JAZF1: variants seen among roughly 807,000 people sequenced by gnomAD.
JAZF1 encodes juxtaposed with another zinc finger protein 1.
Under a neutral mutation model 26.4 loss-of-function variants are expected in JAZF1, and 8 were observed. The ratio of observed to expected loss-of-function variants is 0.30; its 90% confidence interval spans 0.18 to 0.55. The LOEUF (loss-of-function observed/expected upper bound fraction) is 0.55. JAZF1 is among the 20% of genes least tolerant of loss of function. The pLI, the probability that JAZF1 is intolerant of heterozygous loss-of-function variation, is 0.94. For missense variants in JAZF1, 199 were observed against 322.0 expected (o/e 0.62, Z 2.92); for synonymous variants, 126 against 122.3 (o/e 1.03, Z -0.20).
chr7:27,938,746 A>T (rs1314910713), intron 2 of JAZF1, among the ~76,000 whole-genome samples: 1 of 151,452 alleles, frequency 6.6e-6, no homozygotes, highest in Admixed American at 6.6e-5. Flanking sequence ...ATTATGGCTC[A>T]CTGCAACCTC....
rs559334170 is a variant in JAZF1, at chr7:27,871,533, C to T, written c.385+23687G>A. On this transcript the variant is annotated intron_variant, in intron 3 of 4. Transcript: ENST00000283928. ...CTAAATAAGGATTAATGAACAGATACTCAGCAAACCTTCGGGGGAGACACA... is the reference window on the plus strand; with the variant it reads ...CTAAATAAGGATTAATGAACAGATATTCAGCAAACCTTCGGGGGAGACACA... Among the ~76,000 whole-genome samples, 22 of 152,268 alleles carry T rather than the reference C, an allele frequency of 1.4e-4. No individual in the cohort carries two copies. In the South Asian group the frequency reaches 4.1e-3, roughly 29 times the overall value.
At chr7:28,113,263 T>C (rs1241331776) in intron 1 of JAZF1, among the ~76,000 whole-genome samples, 1 of 152,188 alleles carries the variant, frequency 6.6e-6, no homozygotes, top group Non-Finnish European at 1.5e-5. Context: ...AGCCTCGTTT[T>C]ACAAACAGGA....
At chr7:27,847,581 A>C (rs534651193) in intron 3 of JAZF1, among the ~76,000 whole-genome samples, 3 of 152,322 alleles carry the variant, frequency 2.0e-5, no homozygotes, top group African/African-American at 7.2e-5. Flanking sequence ...GTCAAAAAGC[A>C]GTTGAATACA....
At chr7:27,859,906 T>A (rs1783346891) in intron 3 of JAZF1, among the ~76,000 whole-genome samples, 2 of 152,204 alleles carry the variant, frequency 1.3e-5, no homozygotes, top group Admixed American at 6.5e-5. Context: ...AATAAAAGTC[T>A]GTAAAGTCTA....
intron 1 of JAZF1, among the ~76,000 whole-genome samples, chr7:28,155,931 G>A (rs1783177942): frequency 6.6e-6 from 1 of 152,186 alleles, no homozygotes; most frequent in Admixed American, 6.5e-5. Context: ...AAGGGTATAA[G>A]GGTACCTACC....
At chr7:27,856,069 CT>C (rs1394117178) in intron 3 of JAZF1, among the ~76,000 whole-genome samples, 1 of 152,210 alleles carries the variant, frequency 6.6e-6, no homozygotes, top group African/African-American at 2.4e-5. Context: ...TTGGTGGGTT[CT>C]TGGTCTCACT....
At chr7:27,847,335 G>A (rs1165913274) in intron 3 of JAZF1, among the ~76,000 whole-genome samples, 1 of 151,788 alleles carries the variant, frequency 6.6e-6, no homozygotes, top group African/African-American at 2.4e-5. Context: ...CTGAACTTCA[G>A]GTGTGATATC....
intron 1 of JAZF1, among the ~76,000 whole-genome samples, chr7:28,011,229 G>A (rs1161107486): frequency 6.6e-6 from 1 of 152,166 alleles, no homozygotes; most frequent in Non-Finnish European, 1.5e-5. Context: ...TAATCACCTA[G>A]AGATTTCTCC....
chr7:28,056,020 G>C (rs1173393181), intron 1 of JAZF1, among the ~76,000 whole-genome samples: 3 of 152,106 alleles, frequency 2.0e-5, no homozygotes, highest in Non-Finnish European at 4.4e-5. Context: ...ATAGTAGCCT[G>C]TTCTCTCTTT....
intron 1 of JAZF1, among the ~76,000 whole-genome samples, chr7:28,049,292 C>T (rs927907310): frequency 1.3e-5 from 2 of 151,820 alleles, no homozygotes; most frequent in African/African-American, 2.4e-5. Flanking sequence ...CCATACTGCC[C>T]AGGCTGGTCT....
chr7:27,981,162 T>C (rs775882966), intron 2 of JAZF1, among the ~76,000 whole-genome samples: 8 of 152,344 alleles, frequency 5.3e-5, no homozygotes, highest in African/African-American at 1.4e-4. Flanking sequence ...CAGCTAGGAT[T>C]TGATCTGTCA....
intron 1 of JAZF1, among the ~76,000 whole-genome samples, chr7:27,998,054 G>GAAGT (rs1307420389): frequency 6.9e-6 from 1 of 144,254 alleles, no homozygotes; most frequent in Non-Finnish European, 1.5e-5. Context: ...AGGAAGGAAG[G>GAAGT]AAGGAAGGAA....
chr7:27,834,204 C>T (rs559802985), intron 4 of JAZF1, among the ~76,000 whole-genome samples: 1 of 152,310 alleles, frequency 6.6e-6, no homozygotes, highest in South Asian at 2.1e-4. Flanking sequence ...GTGCCTGGCA[C>T]ATTGTCGATG....
intron 1 of JAZF1, among the ~76,000 whole-genome samples, chr7:28,121,574 C>A (rs987466408): frequency 6.6e-6 from 1 of 152,216 alleles, no homozygotes; most frequent in Non-Finnish European, 1.5e-5. Context: ...TTTCATCCCA[C>A]CCCTGTGCTC....
At chr7:28,014,862 T>C (rs17156178) in intron 1 of JAZF1, among the ~76,000 whole-genome samples, 7,079 of 152,212 alleles carry the variant, frequency 0.047, 265 homozygotes, top group African/African-American at 0.098. Context: ...CAGTCTGTTA[T>C]TGGGAAGGGA....
intron 2 of JAZF1, among the ~76,000 whole-genome samples, chr7:27,932,937 C>G (rs1056280789): frequency 3.3e-5 from 5 of 152,142 alleles, no homozygotes; most frequent in African/African-American, 1.2e-4. Context: ...AAGGGCTGCA[C>G]CAGACATGTG....
chr7:27,971,705 C>G (rs1785377849), intron 2 of JAZF1, among the ~76,000 whole-genome samples: 1 of 152,160 alleles, frequency 6.6e-6, no homozygotes, highest in Non-Finnish European at 1.5e-5. Context: ...TGCCGGCAAT[C>G]TGAATTTCCA....
intron 1 of JAZF1, among the ~76,000 whole-genome samples, chr7:28,139,827 A>G (rs17156479): frequency 0.11 from 17,352 of 152,230 alleles, 1,620 homozygotes; most frequent in East Asian, 0.53. Context: ...AAGGTTGAAG[A>G]AGACATCTAT....
chr7:28,032,532 G>A (rs1783209904), intron 1 of JAZF1, among the ~76,000 whole-genome samples: 1 of 152,138 alleles, frequency 6.6e-6, no homozygotes, highest in Non-Finnish European at 1.5e-5. Context: ...GCTAGCAGGA[G>A]TGACAGCTTA....
Sources: allele counts gnomAD v4.1 joint callset (sites outside exome capture counted in the v4.1 genomes callset), GRCh38; gene constraint gnomAD v4.1.1; transcripts MANE v1.5; gene names NCBI Gene and HGNC (gene_info 2026-07-23, HGNC 2026-07-21).